COL11A1: variants seen among roughly 807,000 people sequenced by gnomAD.
COL11A1 encodes collagen type XI alpha 1 chain, also known as collagen alpha-1(XI) chain.
Under a neutral mutation model 265.2 loss-of-function variants are expected in COL11A1, and 74 were observed. That is an observed-to-expected ratio of 0.28 (90% CI 0.23 to 0.34). The LOEUF (loss-of-function observed/expected upper bound fraction) is 0.34. COL11A1 is among the 10% of genes least tolerant of loss of function. COL11A1 has a pLI of 1.00. For missense variants in COL11A1, 2,165 were observed against 2,263.6 expected, an observed-to-expected ratio of 0.96 and a Z score of 0.88; for synonymous variants, 816 against 727.6, an observed-to-expected ratio of 1.12 and a Z score of -1.96.
intron 4 of COL11A1, among the ~76,000 whole-genome samples, chr1:103,073,816 C>G (rs961710869): frequency 6.6e-6 from 1 of 151,884 alleles, no homozygotes; most frequent in African/African-American, 2.4e-5. Flanking sequence ...GTGTACACAT[C>G]TGTGTATGTA....
At position 102,940,334 on chromosome 1, in the gene COL11A1, C is replaced by T; in HGVS notation, c.3377G>A (p.Gly1126Glu). 1 of 1,613,324 alleles carries T rather than the reference C, an allele frequency of 6.2e-7. No homozygotes were observed. The highest frequency in any genetic ancestry group is 8.5e-7 in the Non-Finnish European group (1 of 1,179,344). The change falls in exon 43 of 67, where the codon GGA becomes GAA. Residue 1126 changes from glycine (G) to glutamate (E), a missense_variant. Coordinates refer to ENST00000370096, the MANE Select transcript of COL11A1 (RefSeq NM_001854.4). Reference sequence around the variant, plus strand: ...CGAATAATGAATACCAACCTTGTCTCCGTCTTCCCCAGGGGAGCCGGCAGG... The same window carrying T: ...CGAATAATGAATACCAACCTTGTCTTCGTCTTCCCCAGGGGAGCCGGCAGG... The part of the protein sequence containing the change: ...AGPAGSPGED[G>E]DKGEIGEPGQ...
At chr1:103,021,871 G>A (rs927749775) in intron 8 of COL11A1, 102 bp from the exon 9 acceptor site, 4 of 905,560 alleles carry the variant, frequency 4.4e-6, no homozygotes, top group East Asian at 2.6e-5. Context: ...TTTTGAAGAC[G>A]GAGTCTCCCT....
At position 103,022,980 on chromosome 1, in the gene COL11A1, TC is replaced by T; in HGVS notation, c.1006del (p.Glu336LysfsTer8). 1 of 1,612,902 alleles carries T rather than the reference TC, an allele frequency of 6.2e-7. No homozygotes were observed. The highest frequency in any genetic ancestry group is 8.5e-7 in the Non-Finnish European group (1 of 1,179,506). On this transcript the variant is annotated frameshift_variant, in exon 8 of 67. Coordinates refer to ENST00000370096, the MANE Select transcript of COL11A1 (RefSeq NM_001854.4). LOFTEE classifies it high-confidence loss of function. Reference sequence around the variant, plus strand: ...CGTTAGATATTCTTCAGTAAATATTTCTTCAACTGGATTTGGCTATTAATTT... The same window carrying T: ...CGTTAGATATTCTTCAGTAAATATTTTTCAACTGGATTTGGCTATTAATTT... ...SGTNEPNPVE[E>X]IFTEEYLTGE...
intron 4 of COL11A1, among the ~76,000 whole-genome samples, chr1:103,042,198 T>A (rs951775798): frequency 6.6e-6 from 1 of 152,070 alleles, no homozygotes; most frequent in Non-Finnish European, 1.5e-5. Flanking sequence ...ACACTATGAA[T>A]AGGAGGAAAA....
chr1:102,878,917 A>G (rs1649887889), intron 66 of COL11A1, among the ~76,000 whole-genome samples: 2 of 152,164 alleles, frequency 1.3e-5, no homozygotes, highest in African/African-American at 4.8e-5. Context: ...CACAAGGTCA[A>G]ATGTCAAAAA....
At chr1:102,979,170 C>T (rs1158156339) in intron 32 of COL11A1, 66 bp from the exon 33 acceptor site, 45 of 1,441,330 alleles carry the variant, frequency 3.1e-5, no homozygotes, top group Non-Finnish European at 3.8e-5. Flanking sequence ...GGTGCTGAGA[C>T]TGAGTAGTCA....
intron 46 of COL11A1, among the ~76,000 whole-genome samples, chr1:102,925,844 A>G (rs1300389324): frequency 1.3e-5 from 2 of 152,098 alleles, no homozygotes; most frequent in African/African-American, 4.8e-5. Context: ...CTGCAACTTA[A>G]ACATAATTAA....
At chr1:102,991,159 G>A (rs1664089572) in intron 28 of COL11A1, among the ~76,000 whole-genome samples, 1 of 152,056 alleles carries the variant, frequency 6.6e-6, no homozygotes, top group African/African-American at 2.4e-5. Context: ...GATGATGTAT[G>A]GTGCTTGTGG....
At chr1:102,940,095 C>G (rs185677928) in intron 43 of COL11A1, among the ~76,000 whole-genome samples, 102 of 152,058 alleles carry the variant, frequency 6.7e-4, no homozygotes, top group Admixed American at 1.8e-3. Context: ...TTCTCACTAC[C>G]ACTGTTCTTT....
intron 4 of COL11A1, among the ~76,000 whole-genome samples, chr1:103,070,513 A>AT (rs1181492032): frequency 3.3e-5 from 5 of 151,910 alleles, no homozygotes; most frequent in Non-Finnish European, 7.4e-5. Context: ...AGCTACAGTG[A>AT]TAAAAAGCTA....
At chr1:102,953,512 G>A (rs139767793) in intron 41 of COL11A1, among the ~76,000 whole-genome samples, 30 of 152,256 alleles carry the variant, frequency 2.0e-4, no homozygotes, top group African/African-American at 7.0e-4. Context: ...AATAGAGACA[G>A]AAATAGTTTG....
At chr1:103,054,616 A>T (rs1670090224) in intron 4 of COL11A1, among the ~76,000 whole-genome samples, 1 of 152,014 alleles carries the variant, frequency 6.6e-6, no homozygotes, top group Non-Finnish European at 1.5e-5. Flanking sequence ...AAAAAAAGCC[A>T]ACAGGTCAGG....
rs561572929 is a variant in COL11A1, at chr1:103,077,945, A to G, written c.488+713T>C. On this transcript the variant is annotated intron_variant, in intron 3 of 66. Transcript: ENST00000370096. Reference sequence around the variant, plus strand: ...ACATTACTTTCTTAAAGGAATCAATAAAACTAAATGAGTTAACAATGTATA... The same window carrying G: ...ACATTACTTTCTTAAAGGAATCAATGAAACTAAATGAGTTAACAATGTATA... Among the ~76,000 whole-genome samples, 12 of 152,268 alleles carry G rather than the reference A, an allele frequency of 7.9e-5. No individual in the cohort carries two copies. In the South Asian group the frequency reaches 1.5e-3, roughly 18 times the overall value.
At position 102,981,217 on chromosome 1, in the gene COL11A1, A is replaced by T. The variant is rs574256220; in HGVS notation, c.2557-1782T>A. ...GATCAACCTGAGAACAATTATTAGG[A>T]TGTGTAATATTCACGTACTGGGGAA... On this transcript the variant is annotated intron_variant, in intron 31 of 66. Transcript: ENST00000370096. Among the ~76,000 whole-genome samples, 16 of 152,222 alleles carry T rather than the reference A, an allele frequency of 1.1e-4. No homozygotes were observed. The South Asian group carries it at 3.3e-3, about 32-fold the overall frequency.
chr1:102,953,444 C>T (rs1224015812), intron 41 of COL11A1, among the ~76,000 whole-genome samples: 1 of 152,084 alleles, frequency 6.6e-6, no homozygotes, highest in Non-Finnish European at 1.5e-5. Flanking sequence ...AGTTTGTCAT[C>T]AGGTTTTTGT....
At chr1:102,931,050 G>C (rs1347326344) in intron 46 of COL11A1, among the ~76,000 whole-genome samples, 3 of 146,548 alleles carry the variant, frequency 2.0e-5, no homozygotes, top group Non-Finnish European at 3.0e-5. Flanking sequence ...CCAGCTCCTG[G>C]ATTCATTAAT....
rs779472771 is a variant in COL11A1, at chr1:103,047,246, A to T, written c.652-16002T>A. On this transcript the variant is annotated intron_variant, in intron 4 of 66. Transcript: ENST00000370096. The stretch of plus-strand genomic sequence containing the variant: ...GATTTTTCCTACCCATGAGCATGGA[A>T]TGTTCTTCCATTTGTTTGTATCCTC... Among the ~76,000 whole-genome samples, 418 of 152,254 alleles carry T rather than the reference A, an allele frequency of 2.7e-3. 6 individuals carry two copies. The highest frequency in any genetic ancestry group is 7.7e-4 in the East Asian group (4 of 5,180).
chr1:102,888,500 C>T (rs1651297356), intron 62 of COL11A1, 77 bp downstream of exon 62: 3 of 1,387,106 alleles, frequency 2.2e-6, no homozygotes, highest in African/African-American at 2.8e-5. Flanking sequence ...TTTTGTCTAT[C>T]TTATAAGTTC....
chr1:103,070,178 G>C lies in COL11A1; in HGVS notation c.651+4440C>G, dbSNP rs190404000. ...AGGGTGAATGGATGAAAAAATTTTG[G>C]TGTAGCTATGTGTTAAAATCCTACT... is the stretch of plus-strand genomic sequence containing the variant. On this transcript the variant is annotated intron_variant, in intron 4 of 66. Transcript: ENST00000370096. Among the ~76,000 whole-genome samples, 6 of 147,630 alleles carry C rather than the reference G, an allele frequency of 4.1e-5. No individual in the cohort carries two copies. In the East Asian group the frequency reaches 8.0e-4, roughly 20 times the overall value.
Sources: allele counts gnomAD v4.1 joint callset (sites outside exome capture counted in the v4.1 genomes callset), GRCh38; gene constraint gnomAD v4.1.1; transcripts MANE v1.5; gene names NCBI Gene and HGNC (gene_info 2026-07-23, HGNC 2026-07-21).